CHLSN: variants seen among roughly 807,000 people sequenced by gnomAD.
CHLSN encodes the protein protein cholesin.
the CHLSN span, among the ~76,000 whole-genome samples, chr7:1,072,548 C>G: frequency 6.6e-6 from 1 of 152,244 alleles, no homozygotes; most frequent in African/African-American, 2.4e-5. Flanking sequence ...ACAGAGCTTT[C>G]CAAAACGGTC....
the CHLSN span, among the ~76,000 whole-genome samples, chr7:1,011,281 CCACA>C: frequency 6.8e-6 from 1 of 146,338 alleles, no homozygotes; most frequent in Admixed American, 6.8e-5. Context: ...ACCCAGATAC[CCACA>C]CATAGACCAA....
the CHLSN span, chr7:1,093,728 G>A: frequency 4.3e-6 from 2 of 460,396 alleles, no homozygotes; most frequent in South Asian, 3.1e-5. Context: ...CGGTGATGAT[G>A]TAAAAACCTT....
chr7:1,025,332 A>C, the CHLSN span: 5 of 152,458 alleles, frequency 3.3e-5, no homozygotes, highest in African/African-American at 1.2e-4. Flanking sequence ...AAGTGGGGGG[A>C]GGACGAGAAG....
At chr7:1,131,719 C>T in the CHLSN span, among the ~76,000 whole-genome samples, 8 of 152,206 alleles carry the variant, frequency 5.3e-5, no homozygotes, top group African/African-American at 1.9e-4. Flanking sequence ...AATATTTACA[C>T]ACCCATTACT....
chr7:1,096,626 C>G, the CHLSN span, among the ~76,000 whole-genome samples: 12 of 152,244 alleles, frequency 7.9e-5, no homozygotes, highest in African/African-American at 2.7e-4. This position sits in a 1 kb window ranked among gnomAD's most constrained non-coding sequence, Gnocchi z 4.6. Flanking sequence ...TCCTGGTAAC[C>G]CAACTCTCCT....
chr7:1,054,019 G>A, the CHLSN span, among the ~76,000 whole-genome samples: 1 of 152,170 alleles, frequency 6.6e-6, no homozygotes, highest in Admixed American at 6.5e-5. Flanking sequence ...CGAGGAAGGG[G>A]TTTCCTCACG....
the CHLSN span, chr7:1,028,660 C>T: frequency 8.8e-5 from 80 of 910,516 alleles, no homozygotes; most frequent in Admixed American, 1.3e-4. Flanking sequence ...CCCACCCAGC[C>T]CCTATCGTCC....
the CHLSN span, among the ~76,000 whole-genome samples, chr7:1,047,732 G>C: frequency 3.9e-5 from 6 of 152,212 alleles, no homozygotes; most frequent in African/African-American, 1.4e-4. Flanking sequence ...GCAGTGCCTG[G>C]GGCCTCGCAG....
the CHLSN span, chr7:983,536 C>T: frequency 1.3e-6 from 1 of 749,596 alleles, no homozygotes; most frequent in East Asian, 3.3e-5. Flanking sequence ...GCCCACCCTG[C>T]TTTTGGGAGG....
At chr7:1,098,802 T>C in the CHLSN span, among the ~76,000 whole-genome samples, 1 of 152,070 alleles carries the variant, frequency 6.6e-6, no homozygotes, top group Admixed American at 6.5e-5. Context: ...GACAGAAGGC[T>C]GGGAAGCGGC....
the CHLSN span, among the ~76,000 whole-genome samples, chr7:1,017,963 A>C: frequency 6.6e-6 from 1 of 152,252 alleles, no homozygotes; most frequent in South Asian, 2.1e-4. Flanking sequence ...CAGAAAGAAA[A>C]TAACTCCAGC....
At chr7:1,015,853 A>G in the CHLSN span, among the ~76,000 whole-genome samples, 1 of 152,102 alleles carries the variant, frequency 6.6e-6, no homozygotes, top group Non-Finnish European at 1.5e-5. Flanking sequence ...TCGAGTGCTG[A>G]CCGCCACTCT....
the CHLSN span, among the ~76,000 whole-genome samples, chr7:1,066,075 A>G: frequency 6.6e-6 from 1 of 152,182 alleles, no homozygotes; most frequent in East Asian, 1.9e-4. Flanking sequence ...CATGGGGCCG[A>G]CACGACTCGG....
chr7:1,002,400 T>G, the CHLSN span, among the ~76,000 whole-genome samples: 1 of 84,004 alleles, frequency 1.2e-5, no homozygotes, highest in Non-Finnish European at 2.3e-5. Flanking sequence ...TGTGGGTGAG[T>G]GGAGTCCTGC....
chr7:1,041,308 G>GCTCC, the CHLSN span, among the ~76,000 whole-genome samples: 37 of 121,280 alleles, frequency 3.1e-4, 5 homozygotes, highest in African/African-American at 8.5e-4. Context: ...GGGGACCTGG[G>GCTCC]GTCCGCGCTG....
At chr7:1,017,138 T>C in the CHLSN span, among the ~76,000 whole-genome samples, 1 of 152,320 alleles carries the variant, frequency 6.6e-6, no homozygotes, top group East Asian at 1.9e-4. Context: ...CCAGAGCACC[T>C]CAGGCTGTGG....
At chr7:1,100,047 G>A in the CHLSN span, among the ~76,000 whole-genome samples, 3 of 152,204 alleles carry the variant, frequency 2.0e-5, no homozygotes, top group Non-Finnish European at 4.4e-5. Context: ...CCCCGTCCCC[G>A]TTCTGTGCAC....
At chr7:1,047,768 TC>T in the CHLSN span, among the ~76,000 whole-genome samples, 1 of 152,214 alleles carries the variant, frequency 6.6e-6, no homozygotes, top group East Asian at 1.9e-4. Flanking sequence ...AATCTAAGGC[TC>T]TAAAGCTTCA....
chr7:1,136,511 C>CATATATAAATATATATAAACAT, the CHLSN span, among the ~76,000 whole-genome samples: 2 of 106,342 alleles, frequency 1.9e-5, no homozygotes, highest in African/African-American at 4.8e-5. Context: ...TATATATAAA[C>CATATATAAATATATATAAACAT]ATATATAAAT....
Sources: allele counts gnomAD v4.1 joint callset (sites outside exome capture counted in the v4.1 genomes callset), GRCh38; gene constraint gnomAD v4.1.1; non-coding constraint Gnocchi (gnomAD v3.1); transcripts MANE v1.5; gene names NCBI Gene and HGNC (gene_info 2026-07-23, HGNC 2026-07-21).